C12orf42: variants seen among roughly 807,000 people sequenced by gnomAD.
The protein encoded by C12orf42 is chromosome 12 open reading frame 42, also known as uncharacterized protein C12orf42.
In C12orf42, 25 loss-of-function variants were observed where a neutral mutation model predicts 21.6. The observed-to-expected ratio is 1.16, with a 90% confidence interval of 0.84 to 1.62. The LOEUF is 1.62. Ranked by LOEUF, C12orf42 falls within the 40% of genes most tolerant of loss-of-function variation. C12orf42 has a pLI of 0.00. For missense variants in C12orf42, 483 were observed against 459.3 expected, an observed-to-expected ratio of 1.05 and a Z score of -0.47; for synonymous variants, 174 against 175.0, an observed-to-expected ratio of 0.99 and a Z score of 0.05.
At chr12:103,060,461 A>G in the C12orf42 span, among the ~76,000 whole-genome samples, 1 of 152,356 alleles carries the variant, frequency 6.6e-6, no homozygotes, top group Admixed American at 6.5e-5. Context: ...TCTTCACAGA[A>G]TTAGAAAAAA....
intron 10 of C12orf42, among the ~76,000 whole-genome samples, chr12:103,251,818 G>C (rs765901522): frequency 6.6e-6 from 1 of 152,080 alleles, no homozygotes; most frequent in African/African-American, 2.4e-5. Flanking sequence ...CACTGCACTA[G>C]ATCAGACACT....
intron 10 of C12orf42, among the ~76,000 whole-genome samples, chr12:103,246,014 A>C (rs2033992348): frequency 6.6e-6 from 1 of 152,094 alleles, no homozygotes; most frequent in Non-Finnish European, 1.5e-5. Context: ...TAGTCAACAA[A>C]GTAGCCAAAA....
the C12orf42 span, among the ~76,000 whole-genome samples, chr12:103,207,447 C>T: frequency 6.6e-5 from 10 of 152,228 alleles, no homozygotes; most frequent in Non-Finnish European, 1.3e-4. Context: ...CGTGCGCACA[C>T]ACGTGCGCGC....
At chr12:103,194,248 T>C in the C12orf42 span, among the ~76,000 whole-genome samples, 7 of 152,150 alleles carry the variant, frequency 4.6e-5, no homozygotes, top group African/African-American at 1.2e-4. Flanking sequence ...GAGCTTTTCC[T>C]GTAAGATCAA....
chr12:103,105,332 T>C, the C12orf42 span, among the ~76,000 whole-genome samples: 1 of 152,082 alleles, frequency 6.6e-6, no homozygotes, highest in Non-Finnish European at 1.5e-5. Context: ...GAACCTTAAT[T>C]TAAAAGATAA....
the C12orf42 span, among the ~76,000 whole-genome samples, chr12:103,185,269 C>T: frequency 6.6e-6 from 1 of 152,130 alleles, no homozygotes; most frequent in African/African-American, 2.4e-5. Context: ...TCTGGACTAC[C>T]TGTGCTTGGG....
chr12:103,493,375 C>A (rs1955305978), intron 1 of C12orf42, among the ~76,000 whole-genome samples: 1 of 152,032 alleles, frequency 6.6e-6, no homozygotes, highest in South Asian at 2.1e-4. Flanking sequence ...GCCTCAGGGC[C>A]TTTGCACATG....
the C12orf42 span, among the ~76,000 whole-genome samples, chr12:103,110,602 ATATAT>A: frequency 1.3e-5 from 2 of 152,208 alleles, no homozygotes; most frequent in African/African-American, 2.4e-5. Flanking sequence ...AAGGTTTGAA[ATATAT>A]TATAACTAAA....
intron 4 of C12orf42, among the ~76,000 whole-genome samples, chr12:103,295,139 G>A (rs1367081841): frequency 6.6e-6 from 1 of 152,122 alleles, no homozygotes; most frequent in Admixed American, 6.6e-5. Flanking sequence ...CATAGTAAAG[G>A]GTTGGAGCAT....
chr12:103,223,096 T>C, the C12orf42 span, among the ~76,000 whole-genome samples: 2 of 152,096 alleles, frequency 1.3e-5, no homozygotes, highest in Non-Finnish European at 2.9e-5. Context: ...CAACAACATA[T>C]GTTCTCCTCA....
chr12:103,320,107 G>T (rs1050902239), intron 4 of C12orf42, among the ~76,000 whole-genome samples: 17 of 152,260 alleles, frequency 1.1e-4, no homozygotes, highest in African/African-American at 4.1e-4. Flanking sequence ...CCACATAAAT[G>T]TATTAGGCTG....
chr12:103,168,625 G>A, the C12orf42 span, among the ~76,000 whole-genome samples: 4 of 152,198 alleles, frequency 2.6e-5, no homozygotes, highest in South Asian at 4.1e-4. Flanking sequence ...ACCATTCTAA[G>A]TTTATTTCTT....
chr12:103,494,463 CT>C (rs1350505253), intron 1 of C12orf42, among the ~76,000 whole-genome samples: 2 of 151,976 alleles, frequency 1.3e-5, no homozygotes, highest in Non-Finnish European at 2.9e-5. Flanking sequence ...CTCTCCATTC[CT>C]TTTTTTAAGC....
At chr12:103,243,031 A>AT (rs1162542528) in intron 10 of C12orf42, among the ~76,000 whole-genome samples, 1 of 151,840 alleles carries the variant, frequency 6.6e-6, no homozygotes, top group Non-Finnish European at 1.5e-5. Flanking sequence ...GTTATGGGAA[A>AT]TTTTTTTTAA....
At chr12:103,467,438 A>G (rs7964462) in intron 2 of C12orf42, among the ~76,000 whole-genome samples, 123,814 of 152,004 alleles carry the variant, frequency 0.81, 50,543 homozygotes, top group Admixed American at 0.87. Flanking sequence ...TGCACTTTGG[A>G]ACTGTTCCCA....
At chr12:103,097,588 C>T in the C12orf42 span, among the ~76,000 whole-genome samples, 4 of 152,250 alleles carry the variant, frequency 2.6e-5, no homozygotes, top group East Asian at 7.7e-4. Flanking sequence ...TTGCACTGTA[C>T]AGATGGTTCC....
chr12:103,495,554 G>GCT, intron 1 of C12orf42, among the ~76,000 whole-genome samples: 1 of 152,032 alleles, frequency 6.6e-6, no homozygotes, highest in Non-Finnish European at 1.5e-5. Flanking sequence ...GGGACCATCT[G>GCT]CTCGCTGTCA....
At chr12:103,126,384 T>C in the C12orf42 span, among the ~76,000 whole-genome samples, 1 of 152,200 alleles carries the variant, frequency 6.6e-6, no homozygotes, top group Non-Finnish European at 1.5e-5. Context: ...CTAAAAATAC[T>C]GAGAAAAGCC....
At chr12:103,126,949 G>A in the C12orf42 span, among the ~76,000 whole-genome samples, 2 of 152,142 alleles carry the variant, frequency 1.3e-5, no homozygotes, top group South Asian at 2.1e-4. Context: ...AAGAAATGCA[G>A]ATAGTTAAAA....
Sources: gnomAD v4.1 joint callset for allele counts (sites outside exome capture counted in the v4.1 genomes callset) on GRCh38, gnomAD v4.1.1 for gene constraint, MANE v1.5 for transcripts, NCBI Gene and HGNC (gene_info 2026-07-23, HGNC 2026-07-21) for gene names.